SYT1: variants seen among roughly 807,000 people sequenced by gnomAD.
The protein encoded by SYT1 is synaptotagmin 1.
Under a neutral mutation model 44.8 loss-of-function variants are expected in SYT1, and 8 were observed. That is an observed-to-expected ratio of 0.18 (90% confidence interval 0.10 to 0.32). The LOEUF (loss-of-function observed/expected upper bound fraction) is 0.32. SYT1 is among the 10% of genes least tolerant of loss of function. The probability of loss-of-function intolerance (pLI) is 1.00; values close to 1 mark genes in which losing one functional copy is unlikely to be tolerated. For missense variants in SYT1, 286 were observed against 509.3 expected, an observed-to-expected ratio of 0.56 and a Z score of 4.22; for synonymous variants, 154 against 188.8, an observed-to-expected ratio of 0.82 and a Z score of 1.51.
intron 3 of SYT1, among the ~76,000 whole-genome samples, chr12:79,070,160 C>T (rs900403883): frequency 1.3e-5 from 2 of 152,072 alleles, no homozygotes; most frequent in Admixed American, 6.6e-5. Context: ...TCTACCAATA[C>T]ACCCAATGAG....
At chr12:78,959,818 T>C (rs1879411367) in intron 1 of SYT1, among the ~76,000 whole-genome samples, 1 of 152,162 alleles carries the variant, frequency 6.6e-6, no homozygotes, top group African/African-American at 2.4e-5. Context: ...GAAATGTTTT[T>C]ATGTCTTTGG....
At chr12:79,161,012 C>A (rs1265945007) in intron 3 of SYT1, among the ~76,000 whole-genome samples, 1 of 151,970 alleles carries the variant, frequency 6.6e-6, no homozygotes, top group Non-Finnish European at 1.5e-5. Context: ...GCAGGTGGAT[C>A]GTTTGAGCCC....
At chr12:79,045,757 A>G (rs991765376) in intron 2 of SYT1, 2 of 152,196 alleles carry the variant, frequency 1.3e-5, no homozygotes, top group Non-Finnish European at 2.9e-5. Context: ...TCAAATCCCC[A>G]CAGATGGCTC....
intron 4 of SYT1, among the ~76,000 whole-genome samples, chr12:79,243,396 G>A (rs1329653880): frequency 2.0e-5 from 3 of 152,140 alleles, no homozygotes; most frequent in Non-Finnish European, 4.4e-5. Flanking sequence ...TCACACTGAT[G>A]CAACTTTGCT....
rs1565711717 is a variant in SYT1, at chr12:78,907,906, G to A, written c.-217+42797G>A. 2.0e-5 allele frequency among the ~76,000 whole-genome samples: 3 copies of A among 151,918 alleles called. No individual in the cohort carries two copies. The South Asian group carries it at 6.2e-4, about 31-fold the overall frequency. ...TGTTTCTCTGCTTTATACTTTGAAGGTAATGAGTAATTTAATTACCTCTCA... is the reference window on the plus strand; with the variant it reads ...TGTTTCTCTGCTTTATACTTTGAAGATAATGAGTAATTTAATTACCTCTCA... On this transcript the variant is annotated intron_variant, in intron 1 of 10. Coordinates refer to ENST00000261205, the MANE Select transcript of SYT1 (RefSeq NM_005639.3).
At chr12:79,121,815 G>A (rs1879613343) in intron 3 of SYT1, among the ~76,000 whole-genome samples, 1 of 152,172 alleles carries the variant, frequency 6.6e-6, no homozygotes, top group Admixed American at 6.5e-5. Context: ...CTCAAGCCTT[G>A]TATTTGTTTA....
chr12:79,215,806 G>A (rs1874752951), intron 3 of SYT1, among the ~76,000 whole-genome samples: 1 of 149,914 alleles, frequency 6.7e-6, no homozygotes, highest in Admixed American at 6.6e-5. Flanking sequence ...TCTGGATTTT[G>A]ATTAAGATTT....
At chr12:79,200,584 T>C (rs749539460) in intron 3 of SYT1, among the ~76,000 whole-genome samples, 2 of 152,096 alleles carry the variant, frequency 1.3e-5, no homozygotes, top group African/African-American at 2.4e-5. Flanking sequence ...ATTCCTCCTT[T>C]ACCTTGAAAA....
chr12:78,932,032 T>C (rs915223449), intron 1 of SYT1, among the ~76,000 whole-genome samples: 2 of 152,250 alleles, frequency 1.3e-5, no homozygotes, highest in Non-Finnish European at 2.9e-5. Flanking sequence ...CAGTGCAGTC[T>C]GTTTGGACAG....
At chr12:79,198,726 G>A (rs1332775111) in intron 3 of SYT1, among the ~76,000 whole-genome samples, 2 of 152,170 alleles carry the variant, frequency 1.3e-5, no homozygotes, top group African/African-American at 2.4e-5. Context: ...GGAGATAAAA[G>A]CTTCAGGAAA....
At chr12:78,896,219 C>T (rs1327863314) in intron 1 of SYT1, among the ~76,000 whole-genome samples, 1 of 151,522 alleles carries the variant, frequency 6.6e-6, no homozygotes, top group South Asian at 2.1e-4. Context: ...TTGCTGCTTG[C>T]CCTATTTGAA....
chr12:79,173,932 A>G (rs1871703728), intron 3 of SYT1, among the ~76,000 whole-genome samples: 1 of 152,084 alleles, frequency 6.6e-6, no homozygotes, highest in South Asian at 2.1e-4. Flanking sequence ...GTAGTGTATC[A>G]TTACAATAGA....
chr12:79,179,478 G>GATATATCTATATAGATATAGATAT (rs1565842326), intron 3 of SYT1, among the ~76,000 whole-genome samples: 1 of 17,980 alleles, frequency 5.6e-5, no homozygotes, highest in African/African-American at 2.0e-4. Flanking sequence ...TATAGATATA[G>GATATATCTATATAGATATAGATAT]AGATATAGAT....
In SYT1 at chr12:79,293,390, TAAAATA is replaced by T. The variant is rs1565894609; in HGVS notation, c.474+1264_474+1269del. 1.0e-4 allele frequency among the ~76,000 whole-genome samples: 7 copies of T among 68,010 alleles called. No individual in the cohort carries two copies. In the East Asian group the frequency reaches 3.7e-3, roughly 36 times the overall value. The allele number at this position is 68,010 out of a possible 152,430, so 44.6% of individuals were successfully genotyped here. On this transcript the variant is annotated intron_variant, in intron 6 of 10. Transcript: ENST00000261205. ...TAAAATAAAATAAAATAAAATAAAA[TAAAATA>T]AAATAAAATAAAATTAAAAAATCTG...
At chr12:78,930,512 T>A (rs1440899595) in intron 1 of SYT1, among the ~76,000 whole-genome samples, 1 of 151,916 alleles carries the variant, frequency 6.6e-6, no homozygotes, top group Admixed American at 6.6e-5. Context: ...AGTTAATGAC[T>A]CAGAGATTTT....
intron 9 of SYT1, among the ~76,000 whole-genome samples, chr12:79,404,645 A>T (rs936057435): frequency 1.3e-5 from 2 of 152,210 alleles, no homozygotes; most frequent in Non-Finnish European, 2.9e-5. Flanking sequence ...CAGGAAGCTT[A>T]CGTGACTTGC....
chr12:79,029,759 G>A (rs1872730120), intron 2 of SYT1, among the ~76,000 whole-genome samples: 2 of 151,134 alleles, frequency 1.3e-5, no homozygotes, highest in African/African-American at 4.8e-5. Context: ...TTTACAATTA[G>A]AGATTATTTT....
At chr12:79,088,148 A>G (rs961892057) in intron 3 of SYT1, among the ~76,000 whole-genome samples, 2 of 152,072 alleles carry the variant, frequency 1.3e-5, no homozygotes, top group African/African-American at 4.8e-5. Flanking sequence ...TTGGTCTCAA[A>G]ATCAGGGTTA....
intron 1 of SYT1, among the ~76,000 whole-genome samples, chr12:78,976,391 C>G (rs545691991): frequency 6.6e-6 from 1 of 152,316 alleles, no homozygotes; most frequent in East Asian, 1.9e-4. Context: ...GAATAAAACT[C>G]TCTTGTGAAG....
Sources: allele counts gnomAD v4.1 joint callset (sites outside exome capture counted in the v4.1 genomes callset), GRCh38; gene constraint gnomAD v4.1.1; transcripts MANE v1.5; gene names NCBI Gene and HGNC (gene_info 2026-07-23, HGNC 2026-07-21).